NCKAP5: variants seen among roughly 807,000 people sequenced by gnomAD.
The protein encoded by NCKAP5 is nck-associated protein 5.
A neutral mutation model predicts 167.0 loss-of-function variants in NCKAP5; 92 were observed. That is an observed-to-expected ratio of 0.55 (90% CI 0.47 to 0.66). The LOEUF (loss-of-function observed/expected upper bound fraction) is 0.66, where lower values mean the gene tolerates loss of function less well. Ranked by LOEUF, NCKAP5 falls within the 30% of genes least tolerant of loss-of-function variation. The pLI, the probability that NCKAP5 is intolerant of heterozygous loss-of-function variation, is 0.00. For missense variants in NCKAP5, 2,378 were observed against 2,315.0 expected (o/e 1.03, Z -0.56); for synonymous variants, 891 against 877.4 (o/e 1.02, Z -0.27).
chr2:133,632,323 G>A, the NCKAP5 span, among the ~76,000 whole-genome samples: 1 of 152,232 alleles, frequency 6.6e-6, no homozygotes, highest in Admixed American at 6.5e-5. Context: ...GAAAAAAACA[G>A]GTGAGCTTAC....
At chr2:133,658,109 C>T in the NCKAP5 span, among the ~76,000 whole-genome samples, 2 of 151,284 alleles carry the variant, frequency 1.3e-5, no homozygotes, top group Admixed American at 6.6e-5. Flanking sequence ...CAACGACCCC[C>T]ACCCCCTAGT....
At chr2:132,873,897 C>T (rs917982176) in intron 9 of NCKAP5, among the ~76,000 whole-genome samples, 1 of 152,054 alleles carries the variant, frequency 6.6e-6, no homozygotes, top group African/African-American at 2.4e-5. Context: ...TTTAGTCATT[C>T]AACAAATATG....
chr2:132,787,236 T>C (rs1683650006), intron 13 of NCKAP5, among the ~76,000 whole-genome samples: 2 of 151,536 alleles, frequency 1.3e-5, no homozygotes, highest in South Asian at 4.2e-4. Flanking sequence ...TAATCCCAGC[T>C]ACTCAGGAGG....
At chr2:133,463,951 C>A (rs756979760) in intron 3 of NCKAP5, among the ~76,000 whole-genome samples, 3 of 152,186 alleles carry the variant, frequency 2.0e-5, no homozygotes, top group Admixed American at 6.5e-5. Context: ...AATCCAATCT[C>A]TTCCTCATGT....
At chr2:133,093,020 T>C (rs938534909) in intron 6 of NCKAP5, among the ~76,000 whole-genome samples, 46 of 152,338 alleles carry the variant, frequency 3.0e-4, no homozygotes, top group African/African-American at 1.0e-3. Flanking sequence ...CTGAGCTCTG[T>C]GCCTTACCTT....
intron 5 of NCKAP5, among the ~76,000 whole-genome samples, chr2:133,201,073 C>T (rs1418597432): frequency 6.6e-6 from 1 of 151,960 alleles, no homozygotes; most frequent in Non-Finnish European, 1.5e-5. Context: ...CAACAATATC[C>T]TAGAGTAAAA....
intron 10 of NCKAP5, among the ~76,000 whole-genome samples, chr2:132,865,219 T>C (rs1206756878): frequency 6.6e-6 from 1 of 152,100 alleles, no homozygotes; most frequent in Non-Finnish European, 1.5e-5. Flanking sequence ...ACAGGTGACA[T>C]AAAAGTCTGA....
chr2:132,928,154 C>T (rs1696063999), intron 8 of NCKAP5, among the ~76,000 whole-genome samples: 1 of 152,178 alleles, frequency 6.6e-6, no homozygotes. Context: ...CACTTATTAA[C>T]TAACTGGACT....
chr2:133,270,664 T>C (rs1417844056), intron 4 of NCKAP5, among the ~76,000 whole-genome samples: 5 of 152,130 alleles, frequency 3.3e-5, no homozygotes, highest in Non-Finnish European at 5.9e-5. Flanking sequence ...AGATGGAAAA[T>C]TGAAAGTATC....
chr2:132,962,470 C>T (rs2149200426), intron 8 of NCKAP5, among the ~76,000 whole-genome samples: 1 of 152,246 alleles, frequency 6.6e-6, no homozygotes, highest in East Asian at 1.9e-4. Flanking sequence ...CACCATTCTG[C>T]TTTATTATCA....
chr2:133,235,820 C>G (rs2087382045), intron 4 of NCKAP5, among the ~76,000 whole-genome samples: 1 of 151,606 alleles, frequency 6.6e-6, no homozygotes, highest in Admixed American at 6.6e-5. Flanking sequence ...AGGAGAATCA[C>G]TTGGACCCGG....
chr2:132,769,575 T>C (rs975589369), intron 16 of NCKAP5, among the ~76,000 whole-genome samples: 1 of 152,202 alleles, frequency 6.6e-6, no homozygotes, highest in Admixed American at 6.5e-5. Flanking sequence ...CATTTGACTT[T>C]GTTGAGTCTC....
intron 3 of NCKAP5, among the ~76,000 whole-genome samples, chr2:133,426,824 G>A (rs1689838227): frequency 1.3e-5 from 2 of 152,190 alleles, no homozygotes; most frequent in African/African-American, 4.8e-5. Flanking sequence ...TGGGAACTCT[G>A]TACTATCTTT....
chr2:133,030,118 C>A lies in NCKAP5; in HGVS notation c.342-35879G>T, dbSNP rs573821340. Reference sequence around the variant, plus strand: ...GTTTACACATGTAGAAATGCCGTCACTGGTATAGATTCGGTTTCAGGGAAG... The same window carrying A: ...GTTTACACATGTAGAAATGCCGTCAATGGTATAGATTCGGTTTCAGGGAAG... On this transcript the variant is annotated intron_variant, in intron 6 of 19. Coordinates refer to ENST00000409261, the MANE Select transcript of NCKAP5 (RefSeq NM_207363.3). Among the ~76,000 whole-genome samples, 4 of 152,310 alleles carry A rather than the reference C, an allele frequency of 2.6e-5. No individual in the cohort carries two copies. The South Asian group carries it at 8.3e-4, about 32-fold the overall frequency.
chr2:133,242,573 T>C (rs1438811343), intron 4 of NCKAP5, among the ~76,000 whole-genome samples: 1 of 152,214 alleles, frequency 6.6e-6, no homozygotes, highest in Non-Finnish European at 1.5e-5. Context: ...ACGGAGATTC[T>C]ACCTTTAACT....
At chr2:133,629,801 A>G in the NCKAP5 span, among the ~76,000 whole-genome samples, 1 of 152,334 alleles carries the variant, frequency 6.6e-6, no homozygotes, top group South Asian at 2.1e-4. Flanking sequence ...TGTAGCCATA[A>G]AAAGGAATGA....
intron 4 of NCKAP5, among the ~76,000 whole-genome samples, chr2:133,242,505 C>A (rs937040655): frequency 3.9e-5 from 6 of 152,126 alleles, no homozygotes; most frequent in Non-Finnish European, 5.9e-5. Context: ...TTTGCAGAAC[C>A]AGATCACCCT....
intron 9 of NCKAP5, among the ~76,000 whole-genome samples, chr2:132,873,749 A>G (rs1691027201): frequency 2.0e-5 from 3 of 152,308 alleles, no homozygotes; most frequent in Admixed American, 6.5e-5. Flanking sequence ...TCTTTGGATT[A>G]TTACTTGGGT....
At chr2:132,998,927 C>T (rs532888351) in intron 6 of NCKAP5, among the ~76,000 whole-genome samples, 1 of 152,270 alleles carries the variant, frequency 6.6e-6, no homozygotes, top group South Asian at 2.1e-4. Flanking sequence ...TTCATGTCTT[C>T]TAGCTCTCCA....
Sources: gnomAD v4.1 joint callset for allele counts (sites outside exome capture counted in the v4.1 genomes callset) on GRCh38, gnomAD v4.1.1 for gene constraint, MANE v1.5 for transcripts, NCBI Gene and HGNC (gene_info 2026-07-23, HGNC 2026-07-21) for gene names.